SLC9C2: variants seen among roughly 807,000 people sequenced by gnomAD.
SLC9C2 encodes the protein sodium/hydrogen exchanger 11.
Under a neutral mutation model 140.2 loss-of-function variants are expected in SLC9C2, and 75 were observed. The ratio of observed to expected loss-of-function variants is 0.53; its 90% CI spans 0.44 to 0.65. The LOEUF (loss-of-function observed/expected upper bound fraction) is 0.65. SLC9C2 is among the 30% of genes least tolerant of loss of function. The pLI is 0.00. For synonymous variants in SLC9C2, 375 were observed against 420.9 expected (o/e 0.89, Z 1.34); for missense variants, 1,074 against 1,331.8 (o/e 0.81, Z 3.01).
chr1:173,577,986 A>G (rs1665286684), intron 7 of SLC9C2, among the ~76,000 whole-genome samples: 1 of 143,564 alleles, frequency 7.0e-6, no homozygotes, highest in Non-Finnish European at 1.5e-5. Flanking sequence ...ATTCTCTATA[A>G]TTGGTATTTT....
chr1:173,512,415 T>C (rs1249974472), intron 23 of SLC9C2, among the ~76,000 whole-genome samples: 4 of 152,198 alleles, frequency 2.6e-5, no homozygotes, highest in Non-Finnish European at 5.9e-5. Context: ...TTTGTAGCAA[T>C]TGTGTATTGG....
intron 13 of SLC9C2, among the ~76,000 whole-genome samples, chr1:173,539,971 T>C (rs1052916208): frequency 6.6e-6 from 1 of 152,172 alleles, no homozygotes; most frequent in Non-Finnish European, 1.5e-5. Flanking sequence ...CATTAAGAGG[T>C]GTAATCTACT....
chr1:173,550,569 G>A (rs1558057238), intron 11 of SLC9C2, among the ~76,000 whole-genome samples: 1 of 151,574 alleles, frequency 6.6e-6, no homozygotes, highest in Non-Finnish European at 1.5e-5. Context: ...CTCCCAAGTA[G>A]CTGGGACTAC....
rs1174746014 is a variant in SLC9C2 at position 173,505,810 on chromosome 1, T to A, written c.3226-479A>T. Among the ~76,000 whole-genome samples, 5 of 152,126 alleles carry A rather than the reference T, an allele frequency of 3.3e-5. No individual in the cohort carries two copies. In the East Asian group the frequency reaches 9.6e-4, roughly 29 times the overall value. On this transcript the variant is annotated intron_variant, in intron 25 of 27. Coordinates refer to ENST00000367714, the MANE Select transcript of SLC9C2 (RefSeq NM_178527.4). ...ATATTATCTCATTTAATCCTCCCAA[T>A]AACCCGATAAGATGGCTGCTGACCT...
chr1:173,545,559 T>A (rs1043256175), intron 13 of SLC9C2, among the ~76,000 whole-genome samples: 1 of 152,130 alleles, frequency 6.6e-6, no homozygotes, highest in African/African-American at 2.4e-5. Context: ...TAACTTTTCT[T>A]TTTAGTTCAC....
At chr1:173,518,870 A>ATT (rs1320765768) in intron 22 of SLC9C2, among the ~76,000 whole-genome samples, 6 of 152,234 alleles carry the variant, frequency 3.9e-5, no homozygotes, top group Admixed American at 3.3e-4. Context: ...CAAAGAAAAG[A>ATT]TGATGGCATT....
rs1356308095 is a variant in SLC9C2 at position 173,500,576 on chromosome 1, CA to C, written c.*517del. 6.6e-6 allele frequency: 1 copy of C among 152,096 alleles called. No individual in the cohort carries two copies. Among genetic ancestry groups the C allele is most frequent in the Non-Finnish European group, 1.5e-5 (1 of 68,026 alleles). The allele number at this position is 152,096 out of a possible 1,614,324, so 9.4% of individuals were successfully genotyped here. A position where few individuals can be genotyped will look rare whatever the true frequency, so the allele number is the denominator to read the frequency against. ...AATTTCTCCTAAATTTCACTGAAAG[CA>C]AAAGTTACTTACTTACTGAAAGTTA... On this transcript the variant is annotated 3_prime_UTR_variant, in exon 28 of 28. Transcript: ENST00000367714.
intron 17 of SLC9C2, among the ~76,000 whole-genome samples, chr1:173,532,949 A>G (rs1661688730): frequency 6.6e-6 from 1 of 152,194 alleles, no homozygotes; most frequent in Admixed American, 6.5e-5. Flanking sequence ...TACAATATAC[A>G]GTAAATTGCT....
chr1:173,582,258 A>C (rs1665587666), intron 6 of SLC9C2, among the ~76,000 whole-genome samples: 1 of 152,202 alleles, frequency 6.6e-6, no homozygotes, highest in African/African-American at 2.4e-5. Context: ...CCTCAGGAGA[A>C]AGGCAAGGAG....
intron 10 of SLC9C2, among the ~76,000 whole-genome samples, chr1:173,555,921 T>G (rs1403217772): frequency 1.3e-5 from 2 of 152,216 alleles, no homozygotes; most frequent in African/African-American, 4.8e-5. Context: ...TTTCTCCACA[T>G]GCAAGATGGA....
intron 15 of SLC9C2, 42 bp downstream of exon 15, chr1:173,535,787 AG>A: frequency 6.9e-7 from 1 of 1,451,218 alleles, no homozygotes; most frequent in Non-Finnish European, 9.2e-7. Context: ...TAGAAATGGT[AG>A]TATTTTCAAG....
chr1:173,508,902 A>G (rs972607007), intron 24 of SLC9C2, among the ~76,000 whole-genome samples: 2 of 152,218 alleles, frequency 1.3e-5, no homozygotes, highest in East Asian at 1.9e-4. Context: ...AGATTTACAG[A>G]CTTATATTAA....
chr1:173,510,773 G>C (rs991454970), intron 23 of SLC9C2, among the ~76,000 whole-genome samples: 1 of 152,106 alleles, frequency 6.6e-6, no homozygotes, highest in Non-Finnish European at 1.5e-5. Flanking sequence ...CTTTGCTCTT[G>C]TGAATAGTGT....
At chr1:173,520,446 C>T (rs7535963) in intron 22 of SLC9C2, among the ~76,000 whole-genome samples, 77,504 of 152,038 alleles carry the variant, frequency 0.51, 21,516 homozygotes, top group East Asian at 0.95. Context: ...TGTAAACTTA[C>T]TTGTTTTGTT....
chr1:173,521,260 A>AT (rs35610999), intron 22 of SLC9C2, 41 bp downstream of exon 22: 2 of 1,118,664 alleles, frequency 1.8e-6, no homozygotes, highest in South Asian at 1.6e-5. Flanking sequence ...TTCAAAATAC[A>AT]TTTTAAGTAA....
chr1:173,572,987 T>C (rs1664934093), intron 9 of SLC9C2, among the ~76,000 whole-genome samples, 195 bp downstream of exon 9: 1 of 152,198 alleles, frequency 6.6e-6, no homozygotes, highest in Non-Finnish European at 1.5e-5. Context: ...ATCCCTCTCA[T>C]TTTATGGATA....
At position 173,501,056 on chromosome 1, in the gene SLC9C2, G is replaced by A. The variant is rs199693592; in HGVS notation, c.*38C>T. On this transcript the variant is annotated 3_prime_UTR_variant, in exon 28 of 28. Coordinates refer to ENST00000367714, the MANE Select transcript of SLC9C2 (RefSeq NM_178527.4). Reference sequence around the variant, plus strand: ...TAACCTGACTCCACACATCATATTTGTATCATTAATACCCTTTTCTAAAAT... The same window carrying A: ...TAACCTGACTCCACACATCATATTTATATCATTAATACCCTTTTCTAAAAT... 9 of 1,507,756 alleles carry A rather than the reference G, an allele frequency of 6.0e-6. No homozygotes were observed. The highest frequency in any genetic ancestry group is 8.0e-6 in the Non-Finnish European group (9 of 1,129,726). The allele number at this position is 1,507,756 out of a possible 1,614,324, so 93.4% of individuals were successfully genotyped here. A position where few individuals can be genotyped will look rare whatever the true frequency, so the allele number is the denominator to read the frequency against.
chr1:173,588,749 G>A (rs1037774018), intron 4 of SLC9C2, among the ~76,000 whole-genome samples: 9 of 151,938 alleles, frequency 5.9e-5, no homozygotes, highest in Non-Finnish European at 1.2e-4. Context: ...GTATAGTTTT[G>A]GTGTTAAGAT....
chr1:173,597,988 T>A lies in SLC9C2; in HGVS notation c.273A>T (p.Ser91=), dbSNP rs779006239. ...TTAAAGGTGAAAAGTAAGAATAAAG[T>A]GAAAAACTTGATGTTCTTAGAAGAG... is the stretch of plus-strand genomic sequence containing the variant. The part of the protein sequence containing the change: ...VYPLLRTSSF[S]LYSYFSPLII... Residue 91 remains serine (S), a synonymous_variant, in exon 4 of 28, where the codon TCA becomes TCT. Transcript: ENST00000367714. 6.3e-7 allele frequency: 1 copy of A among 1,598,286 alleles called. No homozygotes were observed. The highest frequency in any genetic ancestry group is 8.5e-7 in the Non-Finnish European group (1 of 1,171,770).
Sources: gnomAD v4.1 joint callset for allele counts (sites outside exome capture counted in the v4.1 genomes callset) on GRCh38, gnomAD v4.1.1 for gene constraint, MANE v1.5 for transcripts, NCBI Gene and HGNC (gene_info 2026-07-23, HGNC 2026-07-21) for gene names.